Variants in IDE observed in about 807,000 individuals in gnomAD.
IDE encodes insulin-degrading enzyme.
IDE carries 58 observed loss-of-function variants against 133.2 expected under a neutral mutation model. That is an observed-to-expected ratio of 0.44 (90% CI 0.35 to 0.54). The LOEUF is 0.54. Ranked by LOEUF, IDE falls within the 20% of genes least tolerant of loss-of-function variation. IDE has a pLI of 0.00. For synonymous variants in IDE, 396 were observed against 421.3 expected (o/e 0.94, Z 0.73); for missense variants, 981 against 1,234.0 (o/e 0.79, Z 3.07).
intron 5 of IDE, among the ~76,000 whole-genome samples, chr10:92,513,358 A>C (rs1848727871): frequency 6.6e-6 from 1 of 152,060 alleles, no homozygotes; most frequent in African/African-American, 2.4e-5. Flanking sequence ...ATGCCCGGTT[A>C]ATTTTTATAT....
chr10:92,505,242 C>T (rs1347850851), intron 10 of IDE, among the ~76,000 whole-genome samples: 4 of 152,162 alleles, frequency 2.6e-5, no homozygotes, highest in Non-Finnish European at 5.9e-5. Flanking sequence ...AAAATGCTGA[C>T]ACCTACAGGA....
chr10:92,507,567 A>T lies in IDE; in HGVS notation c.1245+8T>A. 1 of 1,533,180 alleles carries T rather than the reference A, an allele frequency of 6.5e-7. No individual in the cohort carries two copies. Among genetic ancestry groups the T allele is most frequent in the Non-Finnish European group, 9.0e-7 (1 of 1,106,498 alleles). The allele number at this position is 1,533,180 out of a possible 1,614,324, so 95.0% of individuals were successfully genotyped here. On this transcript the variant is annotated splice_region_variant and intron_variant, in intron 9 of 24. Transcript: ENST00000265986. ...TCCTTAAGAAAAATTTTGGTGAAAC[A>T]AAAGTACCTTGCACTCTTGGAAAAC...
chr10:92,541,278 TACA>T (rs1297120743), intron 1 of IDE: 1 of 469,852 alleles, frequency 2.1e-6, no homozygotes, highest in Admixed American at 2.4e-5. Context: ...AAACACTTCC[TACA>T]ACGATTTGAT....
chr10:92,505,590 A>T (rs1848253640), intron 10 of IDE, among the ~76,000 whole-genome samples: 1 of 152,232 alleles, frequency 6.6e-6, no homozygotes, highest in Non-Finnish European at 1.5e-5. Flanking sequence ...AGGGAGGCAG[A>T]CAACAAACAA....
At chr10:92,506,240 AT>A (rs1848288200) in intron 10 of IDE, among the ~76,000 whole-genome samples, 1 of 152,228 alleles carries the variant, frequency 6.6e-6, no homozygotes, top group Admixed American at 6.5e-5. Context: ...TTTAATAAAA[AT>A]ATTACATAAA....
intron 1 of IDE, among the ~76,000 whole-genome samples, chr10:92,538,246 AATT>A (rs1209242792): frequency 1.3e-5 from 2 of 152,226 alleles, no homozygotes; most frequent in Admixed American, 1.3e-4. Flanking sequence ...GTTGTGTAAG[AATT>A]ATTACTGGGT....
intron 4 of IDE, among the ~76,000 whole-genome samples, chr10:92,521,832 T>C (rs1334077709): frequency 6.6e-6 from 1 of 152,150 alleles, no homozygotes; most frequent in Admixed American, 6.6e-5. Context: ...GGATATTTGA[T>C]AATAATGGTA....
intron 4 of IDE, among the ~76,000 whole-genome samples, chr10:92,529,373 A>G (rs932414222): frequency 4.6e-5 from 7 of 152,334 alleles, no homozygotes; most frequent in Non-Finnish European, 1.0e-4. Flanking sequence ...GTAACTTGAC[A>G]TTTGCATTAC....
chr10:92,553,187 G>A (rs1842870013), intron 1 of IDE, among the ~76,000 whole-genome samples: 1 of 152,126 alleles, frequency 6.6e-6, no homozygotes, highest in Non-Finnish European at 1.5e-5. Context: ...ACTTTGGGAG[G>A]CTGAGGAAGG....
At chr10:92,507,040 C>T (rs1003894673) in intron 9 of IDE, among the ~76,000 whole-genome samples, 4 of 151,776 alleles carry the variant, frequency 2.6e-5, no homozygotes, top group African/African-American at 7.3e-5. Context: ...CTTTAAAGCA[C>T]GTATTTTTAA....
chr10:92,492,256 T>C (rs1400999769), intron 11 of IDE, among the ~76,000 whole-genome samples: 1 of 145,022 alleles, frequency 6.9e-6, no homozygotes, highest in Non-Finnish European at 1.5e-5. Context: ...CAAGACTCTG[T>C]CTCAAAAAAA....
At chr10:92,571,373 G>A (rs1483764434) in intron 1 of IDE, among the ~76,000 whole-genome samples, 8 of 152,172 alleles carry the variant, frequency 5.3e-5, no homozygotes. Context: ...AACTTCAGGG[G>A]TACCCTGTTC....
intron 21 of IDE, among the ~76,000 whole-genome samples, 200 bp downstream of exon 21, chr10:92,463,531 A>T (rs547816504): frequency 5.3e-5 from 8 of 151,730 alleles, no homozygotes; most frequent in Non-Finnish European, 1.2e-4. Flanking sequence ...GTTTGGAGGG[A>T]AAAAAAAGAG....
intron 20 of IDE, among the ~76,000 whole-genome samples, chr10:92,465,302 T>C (rs1257430110): frequency 6.6e-6 from 1 of 152,200 alleles, no homozygotes; most frequent in African/African-American, 2.4e-5. Context: ...GCTTGGGATA[T>C]AAAGACGAAT....
At chr10:92,502,497 T>C (rs1848076945) in intron 11 of IDE, among the ~76,000 whole-genome samples, 1 of 152,228 alleles carries the variant, frequency 6.6e-6, no homozygotes, top group Non-Finnish European at 1.5e-5. Flanking sequence ...CCTTGCAACC[T>C]GTGACTGTGC....
intron 4 of IDE, among the ~76,000 whole-genome samples, chr10:92,528,098 T>C (rs150651412): frequency 2.5e-3 from 385 of 152,368 alleles, no homozygotes; most frequent in Non-Finnish European, 4.2e-3. Context: ...TCCTATCATA[T>C]GGAAATAAGG....
intron 11 of IDE, chr10:92,497,807 CTT>C (rs1221683077): frequency 5.4e-5 from 25 of 463,402 alleles, no homozygotes; most frequent in Non-Finnish European, 6.8e-5. Flanking sequence ...AGTGCTTTCT[CTT>C]TAAATGTGAG....
intron 1 of IDE, among the ~76,000 whole-genome samples, chr10:92,557,874 C>CAAA (rs3051565): frequency 0.073 from 7,932 of 107,998 alleles, 529 homozygotes; most frequent in Middle Eastern, 0.2. Flanking sequence ...GATTCCACCT[C>CAAA]AAAAAAAAAA....
intron 4 of IDE, among the ~76,000 whole-genome samples, chr10:92,523,242 G>A (rs993584718): frequency 6.6e-6 from 1 of 151,940 alleles, no homozygotes; most frequent in African/African-American, 2.4e-5. Context: ...CTAGCCAGGT[G>A]TGATGGCACC....
Sources: gnomAD v4.1 joint callset for allele counts (sites outside exome capture counted in the v4.1 genomes callset) on GRCh38, gnomAD v4.1.1 for gene constraint, MANE v1.5 for transcripts, NCBI Gene and HGNC (gene_info 2026-07-23, HGNC 2026-07-21) for gene names.